TECPR2: variants seen among roughly 807,000 people sequenced by gnomAD.
TECPR2 encodes tectonin beta-propeller repeat containing 2.
Under a neutral mutation model 138.1 loss-of-function variants are expected in TECPR2, and 65 were observed. That is an observed-to-expected ratio of 0.47 (90% CI 0.39 to 0.58). The LOEUF is 0.58. Ranked by LOEUF, TECPR2 falls within the 20% of genes least tolerant of loss-of-function variation. TECPR2 has a pLI of 0.00. For missense variants in TECPR2, 1,553 were observed against 1,824.5 expected, an observed-to-expected ratio of 0.85 and a Z score of 2.71; for synonymous variants, 746 against 749.8, an observed-to-expected ratio of 0.99 and a Z score of 0.08.
chr14:102,366,596 C>T (rs1028113477), intron 1 of TECPR2, among the ~76,000 whole-genome samples: 1 of 152,200 alleles, frequency 6.6e-6, no homozygotes, highest in African/African-American at 2.4e-5. Context: ...ATCCTCCCAC[C>T]TCGGCCTCCC....
Position 102,446,709 on chromosome 14 carries a change from A to G in TECPR2, c.3075+762A>G, listed in dbSNP as rs192554966. Among the ~76,000 whole-genome samples the G allele has an allele frequency of 6.0e-4, 91 of 152,264 alleles. 2 individuals are homozygous for G. The highest frequency in any genetic ancestry group is 2.1e-3 in the African/African-American group (88 of 41,572). ...CCAGCCAATAGTATTCCTTTTTTCT[A>G]TTTGATGGATTAGACTTTGCTGTGT... On this transcript the variant is annotated intron_variant, in intron 13 of 19. Transcript: ENST00000359520.
chr14:102,418,137 C>G (rs1889078727), intron 5 of TECPR2, among the ~76,000 whole-genome samples: 1 of 152,102 alleles, frequency 6.6e-6, no homozygotes, highest in African/African-American at 2.4e-5. Flanking sequence ...GTCTGGAGCC[C>G]AGGGAAGAAG....
At position 102,499,176 on chromosome 14, in the gene TECPR2, G is replaced by A. The variant is rs1260620915; in HGVS notation, c.*919G>A. On this transcript the variant is annotated 3_prime_UTR_variant, in exon 20 of 20. Transcript: ENST00000359520. ...TGCACGTGTGTCCCAGGTAGGGACG[G>A]CACAGGAGGGTGCATGGGGCGTGGG... 5 of 702,808 alleles carry A rather than the reference G, an allele frequency of 7.1e-6. No homozygotes were observed. The highest frequency in any genetic ancestry group is 1.7e-5 in the African/African-American group (1 of 57,268). 43.5% of individuals were successfully genotyped at this position (702,808 alleles called of 1,614,324 possible).
intron 7 of TECPR2, 147 bp downstream of exon 7, chr14:102,428,529 G>A: frequency 7.9e-7 from 1 of 1,261,710 alleles, no homozygotes; most frequent in Middle Eastern, 2.8e-4. Flanking sequence ...GGGAGGCTGA[G>A]GTGGGTGGAT....
At chr14:102,453,188 T>G (rs1405006080) in intron 16 of TECPR2, among the ~76,000 whole-genome samples, 1 of 152,128 alleles carries the variant, frequency 6.6e-6, no homozygotes, top group Non-Finnish European at 1.5e-5. Context: ...TGTAGTGCTA[T>G]TTGTAGGCCG....
At chr14:102,435,247 G>T (rs764673343) in intron 9 of TECPR2, 36 bp downstream of exon 9, 2 of 1,555,640 alleles carry the variant, frequency 1.3e-6, no homozygotes, top group Non-Finnish European at 1.7e-6. Context: ...AGTAGCTGAG[G>T]CTTCTTTCTT....
chr14:102,413,723 T>C (rs1304709548), intron 4 of TECPR2, among the ~76,000 whole-genome samples: 1 of 152,172 alleles, frequency 6.6e-6, no homozygotes, highest in African/African-American at 2.4e-5. Flanking sequence ...TCAGATTTTT[T>C]ATACAATGAA....
chr14:102,498,029 G>GCTCCCAGCTCCATCTGTGCCCAAA, intron 19 of TECPR2, 74 bp from the exon 20 acceptor site: 1 of 1,560,254 alleles, frequency 6.4e-7, no homozygotes, highest in Non-Finnish European at 8.7e-7. Context: ...CTGCGCCCAA[G>GCTCCCAGCTCCATCTGTGCCCAAA]CTCCCAGCTC....
intron 2 of TECPR2, among the ~76,000 whole-genome samples, chr14:102,391,688 C>G (rs1888181050): frequency 6.6e-6 from 1 of 152,142 alleles, no homozygotes; most frequent in Non-Finnish European, 1.5e-5. Flanking sequence ...TCCTAAGCAC[C>G]TTTCCTGCCC....
chr14:102,454,976 G>A (rs1035387600), intron 16 of TECPR2, among the ~76,000 whole-genome samples: 18 of 152,228 alleles, frequency 1.2e-4, no homozygotes, highest in East Asian at 1.9e-4. Flanking sequence ...CTCCTGGCTC[G>A]ATCCAGTCCT....
intron 1 of TECPR2, 62 bp downstream of exon 1, chr14:102,363,178 A>C: frequency 3.2e-6 from 1 of 313,158 alleles, no homozygotes; most frequent in Non-Finnish European, 5.8e-6. Context: ...CCTGGCCCCG[A>C]GCCCCTCCTC....
At position 102,428,242 on chromosome 14, in the gene TECPR2, T is replaced by TTTTTTTTTG; in HGVS notation, c.952-6_952-5insTTTTTTGTT. 6.9e-7 allele frequency: 1 copy of TTTTTTTTTG among 1,458,362 alleles called. No individual in the cohort carries two copies. The highest frequency in any genetic ancestry group is 9.1e-7 in the Non-Finnish European group (1 of 1,101,200). The allele number at this position is 1,458,362 out of a possible 1,614,324, so 90.3% of individuals were successfully genotyped here. On this transcript the variant is annotated splice_polypyrimidine_tract_variant and splice_region_variant and intron_variant, in intron 6 of 19. Coordinates refer to ENST00000359520, the MANE Select transcript of TECPR2 (RefSeq NM_014844.5). ...TTTTTGTTTTTTTTTTTTTTTTTTTTTTGACAGGCCACAGTTGCTGGTTTG... is the reference window on the plus strand; with the variant it reads ...TTTTTGTTTTTTTTTTTTTTTTTTTTTTTTTTTTGTTGACAGGCCACAGTTGCTGGTTTG...
chr14:102,372,446 G>A (rs931917789), intron 1 of TECPR2, among the ~76,000 whole-genome samples: 2 of 152,058 alleles, frequency 1.3e-5, no homozygotes, highest in African/African-American at 2.4e-5. Flanking sequence ...TGTATTTTTA[G>A]TAGAGATGGG....
At chr14:102,476,381 A>AAG (rs35568399) in intron 17 of TECPR2, among the ~76,000 whole-genome samples, 3,286 of 149,044 alleles carry the variant, frequency 0.022, 115 homozygotes, top group African/African-American at 0.065. Context: ...AAAAAAAAAA[A>AAG]CAACAAAACA....
At chr14:102,440,289 G>A (rs567862158) in intron 10 of TECPR2, 147 bp from the exon 11 acceptor site, 27 of 1,075,112 alleles carry the variant, frequency 2.5e-5, no homozygotes, top group Non-Finnish European at 3.5e-5. Context: ...CCCAAACCTG[G>A]GTCTGGTGGC....
At chr14:102,393,484 T>C (rs1488225648) in intron 2 of TECPR2, among the ~76,000 whole-genome samples, 1 of 152,208 alleles carries the variant, frequency 6.6e-6, no homozygotes, top group East Asian at 1.9e-4. Context: ...CAAAGGACAC[T>C]GATACATTAC....
chr14:102,372,151 A>G (rs147833726), intron 1 of TECPR2, among the ~76,000 whole-genome samples: 340 of 152,152 alleles, frequency 2.2e-3, no homozygotes, highest in African/African-American at 7.2e-3. Context: ...GGATCTTGCC[A>G]TGTTTCCCAG....
intron 2 of TECPR2, among the ~76,000 whole-genome samples, chr14:102,385,435 A>G (rs955454267): frequency 6.6e-6 from 1 of 152,210 alleles, no homozygotes; most frequent in Non-Finnish European, 1.5e-5. Context: ...CATAGCAGAT[A>G]TGATAAGTCA....
chr14:102,443,547 C>A lies in TECPR2; in HGVS notation c.2753-100C>A. The A allele has an allele frequency of 8.3e-7, 1 of 1,197,778 alleles. No individual in the cohort carries two copies. Among genetic ancestry groups the A allele is most frequent in the Non-Finnish European group, 1.1e-6 (1 of 919,894 alleles). 74.2% of individuals were successfully genotyped at this position (1,197,778 alleles called of 1,614,324 possible). A position where few individuals can be genotyped will look rare whatever the true frequency, so the allele number is the denominator to read the frequency against. ...AAGCACTCATCATAAAAGAATATAG[C>A]AAAATACCAAAAAAGGAAAAATAAG... On this transcript the variant is annotated intron_variant, in intron 11 of 19. Transcript: ENST00000359520. The surrounding 1 kb of genome is among the most constrained non-coding windows in gnomAD (Gnocchi z 4.9).
Sources: allele counts gnomAD v4.1 joint callset (sites outside exome capture counted in the v4.1 genomes callset), GRCh38; gene constraint gnomAD v4.1.1; non-coding constraint Gnocchi (gnomAD v3.1); transcripts MANE v1.5; gene names NCBI Gene and HGNC (gene_info 2026-07-23, HGNC 2026-07-21).